The following RABGAP1L variants were observed in gnomAD, a reference collection of about 807,000 sequenced individuals.
RABGAP1L encodes RAB GTPase activating protein 1 like, also known as rab GTPase-activating protein 1-like.
RABGAP1L carries 63 observed loss-of-function variants against 137.7 expected under a neutral mutation model. The ratio of observed to expected loss-of-function variants is 0.46; its 90% CI spans 0.37 to 0.56. The LOEUF is 0.56. RABGAP1L is among the 20% of genes least tolerant of loss of function. The probability of loss-of-function intolerance (pLI) is 0.00; values close to 1 mark genes in which losing one functional copy is unlikely to be tolerated. For missense variants in RABGAP1L, 1,095 were observed against 1,244.0 expected (o/e 0.88, Z 1.80); for synonymous variants, 431 against 433.7 (o/e 0.99, Z 0.08).
chr1:174,910,042 G>A (rs1367108047), intron 19 of RABGAP1L, among the ~76,000 whole-genome samples: 1 of 152,228 alleles, frequency 6.6e-6, no homozygotes, highest in East Asian at 1.9e-4. Context: ...GGGAGGCTGA[G>A]GCAGGAGAAT....
intron 11 of RABGAP1L, among the ~76,000 whole-genome samples, chr1:174,355,097 G>T (rs1157632917): frequency 6.6e-6 from 1 of 152,078 alleles, no homozygotes; most frequent in Non-Finnish European, 1.5e-5. Flanking sequence ...ATTTGACCCA[G>T]CCATCCCATT....
intron 19 of RABGAP1L, among the ~76,000 whole-genome samples, chr1:174,814,651 CCT>C (rs1481367398): frequency 6.6e-6 from 1 of 151,804 alleles, no homozygotes; most frequent in African/African-American, 2.4e-5. Context: ...AGATACTTAC[CCT>C]TACACTGAGG....
At chr1:174,763,512 G>T (rs558187554) in intron 18 of RABGAP1L, among the ~76,000 whole-genome samples, 415 of 151,536 alleles carry the variant, frequency 2.7e-3, no homozygotes, top group Non-Finnish European at 4.5e-3. Flanking sequence ...TTAGCCGGGC[G>T]TGGTAGCGGG....
At chr1:174,639,014 T>C (rs1674304336) in intron 14 of RABGAP1L, among the ~76,000 whole-genome samples, 2 of 150,010 alleles carry the variant, frequency 1.3e-5, no homozygotes, top group African/African-American at 4.9e-5. Flanking sequence ...TGTGCACATG[T>C]ACCCTAAAAC....
At chr1:174,612,070 T>C (rs1671305085) in intron 13 of RABGAP1L, among the ~76,000 whole-genome samples, 1 of 152,240 alleles carries the variant, frequency 6.6e-6, no homozygotes, top group African/African-American at 2.4e-5. Flanking sequence ...CTAATTGCCC[T>C]GGCCAGAACT....
chr1:174,615,473 C>T (rs1671737358), intron 13 of RABGAP1L, among the ~76,000 whole-genome samples: 2 of 152,276 alleles, frequency 1.3e-5, no homozygotes, highest in Non-Finnish European at 2.9e-5. Flanking sequence ...TGTCAGGTGT[C>T]GGTCTGCCCC....
At chr1:174,739,974 A>G (rs983065735) in intron 17 of RABGAP1L, among the ~76,000 whole-genome samples, 1 of 152,198 alleles carries the variant, frequency 6.6e-6, no homozygotes, top group Non-Finnish European at 1.5e-5. Context: ...CTGTGGCAGA[A>G]AGAAACTTAG....
At chr1:174,697,360 A>G (rs1679335327) in intron 15 of RABGAP1L, among the ~76,000 whole-genome samples, 1 of 150,974 alleles carries the variant, frequency 6.6e-6, no homozygotes, top group African/African-American at 2.4e-5. Context: ...GAATCTCAAA[A>G]CTCCAGGCTG....
intron 14 of RABGAP1L, among the ~76,000 whole-genome samples, chr1:174,655,294 C>T (rs1675881081): frequency 6.6e-6 from 1 of 152,156 alleles, no homozygotes; most frequent in African/African-American, 2.4e-5. Flanking sequence ...ATTAAGTTGT[C>T]ATGTCTGTAA....
chr1:174,625,219 T>C (rs547697242), intron 13 of RABGAP1L, among the ~76,000 whole-genome samples: 3 of 152,226 alleles, frequency 2.0e-5, no homozygotes, highest in Non-Finnish European at 4.4e-5. Flanking sequence ...ATCAACATTA[T>C]ATGCTTAATG....
intron 13 of RABGAP1L, among the ~76,000 whole-genome samples, chr1:174,458,537 C>T (rs1415283774): frequency 1.3e-5 from 2 of 151,966 alleles, no homozygotes; most frequent in Non-Finnish European, 2.9e-5. Context: ...TATTGATTCC[C>T]CTGTATGATT....
At chr1:174,288,409 T>C (rs938400101) in intron 10 of RABGAP1L, among the ~76,000 whole-genome samples, 1 of 152,212 alleles carries the variant, frequency 6.6e-6, no homozygotes, top group Non-Finnish European at 1.5e-5. Flanking sequence ...GATGAACTCC[T>C]TTAGTTTTTG....
chr1:174,904,410 C>T (rs1325990959), intron 19 of RABGAP1L, among the ~76,000 whole-genome samples: 1 of 152,118 alleles, frequency 6.6e-6, no homozygotes, highest in Non-Finnish European at 1.5e-5. Flanking sequence ...ACCATCTTTT[C>T]GCACCATACT....
chr1:174,556,479 T>A (rs1236125130), intron 13 of RABGAP1L, among the ~76,000 whole-genome samples: 1 of 152,100 alleles, frequency 6.6e-6, no homozygotes, highest in Non-Finnish European at 1.5e-5. Flanking sequence ...TAGGAGGCTG[T>A]TTTGGTAGTC....
intron 11 of RABGAP1L, among the ~76,000 whole-genome samples, chr1:174,331,609 T>C (rs1681038804): frequency 6.6e-6 from 1 of 152,216 alleles, no homozygotes; most frequent in African/African-American, 2.4e-5. Context: ...TTAAAATGTC[T>C]ATTATCAAAA....
chr1:174,494,308 A>G (rs1660550960), intron 13 of RABGAP1L, among the ~76,000 whole-genome samples: 1 of 152,058 alleles, frequency 6.6e-6, no homozygotes, highest in African/African-American at 2.4e-5. Flanking sequence ...ATAGGAAAGG[A>G]AATTTGTTCT....
intron 11 of RABGAP1L, among the ~76,000 whole-genome samples, chr1:174,309,063 T>C (rs1033051112): frequency 2.6e-5 from 4 of 152,068 alleles, no homozygotes; most frequent in South Asian, 2.1e-4. Context: ...CAATGTCTTA[T>C]AGTTTTCAGT....
intron 19 of RABGAP1L, among the ~76,000 whole-genome samples, chr1:174,901,036 G>A (rs1034542531): frequency 8.6e-5 from 13 of 151,920 alleles, no homozygotes; most frequent in East Asian, 1.9e-4. Flanking sequence ...TCTTATTTCC[G>A]AAAGATAGTC....
At chr1:174,400,279 A>G (rs1648411736) in intron 13 of RABGAP1L, among the ~76,000 whole-genome samples, 2 of 152,272 alleles carry the variant, frequency 1.3e-5, no homozygotes, top group African/African-American at 4.8e-5. Context: ...TTGTGACTCC[A>G]TTATAATACT....
Sources: allele counts gnomAD v4.1 joint callset (sites outside exome capture counted in the v4.1 genomes callset), GRCh38; gene constraint gnomAD v4.1.1; transcripts MANE v1.5; gene names NCBI Gene and HGNC (gene_info 2026-07-23, HGNC 2026-07-21).